The following CNOT6 variants were observed in gnomAD, a reference collection of about 807,000 sequenced individuals.
CNOT6 encodes the protein carbon catabolite repression 4 protein.
A neutral mutation model predicts 61.2 loss-of-function variants in CNOT6; 12 were observed. That is an observed-to-expected ratio of 0.20 (90% CI 0.13 to 0.32). The LOEUF is 0.32. Ranked by LOEUF, CNOT6 falls within the 10% of genes least tolerant of loss-of-function variation. The pLI, the probability that CNOT6 is intolerant of heterozygous loss-of-function variation, is 1.00. For synonymous variants in CNOT6, 225 were observed against 240.6 expected, an observed-to-expected ratio of 0.94 and a Z score of 0.60; for missense variants, 405 against 663.9, an observed-to-expected ratio of 0.61 and a Z score of 4.28.
rs866405681 is a variant in CNOT6, at chr5:180,577,062, C to A, written c.*2862C>A. 8 of 152,050 alleles carry A rather than the reference C, an allele frequency of 5.3e-5. No homozygotes were observed. The highest frequency in any genetic ancestry group is 1.7e-4 in the African/African-American group (7 of 41,248). 9.4% of individuals were successfully genotyped at this position (152,050 alleles called of 1,614,324 possible). On this transcript the variant is annotated 3_prime_UTR_variant, in exon 12 of 12. Coordinates refer to ENST00000261951, the MANE Select transcript of CNOT6 (RefSeq NM_001370472.1). ...ATGCTTTGAGAGTTTCAATATTGTT[C>A]GTCAAGTTAACTTATGGCATAATTT...
At chr5:180,495,403 C>T (rs1192970696) in intron 1 of CNOT6, 5 of 152,190 alleles carry the variant, frequency 3.3e-5, no homozygotes, top group African/African-American at 1.2e-4. Flanking sequence ...AATTGCATCC[C>T]TCCTTTTTGT....
At chr5:180,538,834 G>A (rs1758864708) in intron 2 of CNOT6, among the ~76,000 whole-genome samples, 1 of 150,724 alleles carries the variant, frequency 6.6e-6, no homozygotes, top group South Asian at 2.1e-4. Flanking sequence ...AGCTGAGATC[G>A]CACCACTGTA....
chr5:180,531,637 TG>T (rs1179220388), intron 2 of CNOT6, among the ~76,000 whole-genome samples: 1 of 152,138 alleles, frequency 6.6e-6, no homozygotes, highest in African/African-American at 2.4e-5. Flanking sequence ...GGCAGGCGGC[TG>T]GGAGGTGGAG....
At chr5:180,535,889 A>G (rs1212922035) in intron 2 of CNOT6, among the ~76,000 whole-genome samples, 2 of 141,396 alleles carry the variant, frequency 1.4e-5, no homozygotes, top group Non-Finnish European at 3.1e-5. Flanking sequence ...TTTAATTTGC[A>G]TTTCTCTGAT....
At chr5:180,525,485 G>A (rs576122851) in intron 1 of CNOT6, among the ~76,000 whole-genome samples, 6 of 151,448 alleles carry the variant, frequency 4.0e-5, no homozygotes, top group Admixed American at 1.3e-4. Flanking sequence ...GCTGCAGTGA[G>A]CAGAGATGGC....
At chr5:180,533,364 A>C (rs1393718989) in intron 2 of CNOT6, among the ~76,000 whole-genome samples, 1 of 148,776 alleles carries the variant, frequency 6.7e-6, no homozygotes, top group Non-Finnish European at 1.5e-5. Context: ...CAACATAGGA[A>C]GGAAGAGGGG....
chr5:180,558,946 C>T (rs370064718), intron 4 of CNOT6, among the ~76,000 whole-genome samples: 62 of 152,230 alleles, frequency 4.1e-4, no homozygotes, highest in African/African-American at 1.3e-3. Context: ...GCTTGGTTCT[C>T]GATTTTTAAT....
chr5:180,542,873 A>G (rs990358110), intron 2 of CNOT6, among the ~76,000 whole-genome samples: 1 of 152,204 alleles, frequency 6.6e-6, no homozygotes, highest in African/African-American at 2.4e-5. Context: ...TGTGGGGAAG[A>G]AGTAGATAGA....
intron 11 of CNOT6, among the ~76,000 whole-genome samples, chr5:180,572,917 CTTTCTA>C (rs1327588242): frequency 2.6e-5 from 4 of 152,170 alleles, no homozygotes; most frequent in African/African-American, 9.7e-5. Flanking sequence ...TAACTCCCAG[CTTTCTA>C]TTTCTAAGCT....
chr5:180,536,419 T>G (rs974530314), intron 2 of CNOT6, among the ~76,000 whole-genome samples: 18 of 152,134 alleles, frequency 1.2e-4, no homozygotes, highest in Non-Finnish European at 2.5e-4. Flanking sequence ...ATTATTATTA[T>G]TTTTGCTGTG....
At chr5:180,569,895 A>G (rs565958728) in intron 10 of CNOT6, among the ~76,000 whole-genome samples, 2 of 152,354 alleles carry the variant, frequency 1.3e-5, no homozygotes, top group South Asian at 2.1e-4. Context: ...CGTGGATAGT[A>G]TACAATAAAC....
chr5:180,559,290 C>G (rs543899871), intron 4 of CNOT6, among the ~76,000 whole-genome samples: 2 of 152,218 alleles, frequency 1.3e-5, no homozygotes, highest in Admixed American at 6.5e-5. Context: ...TTGTGCTTCT[C>G]TTGTTTGGAA....
At chr5:180,569,367 G>A (rs776419781) in intron 10 of CNOT6, 27 bp downstream of exon 10, 1 of 1,475,512 alleles carries the variant, frequency 6.8e-7, no homozygotes, top group Non-Finnish European at 9.4e-7. Flanking sequence ...ATTTTATGTA[G>A]AATATTTTTT....
In CNOT6 at chr5:180,512,958, C is replaced by T. The variant is rs564457818; in HGVS notation, c.-2-16317C>T. On this transcript the variant is annotated intron_variant, in intron 1 of 11. Transcript: ENST00000261951. ...TCGCCCAGGCTGGAGTGCAGTGGTG[C>T]GATCTCGGCTCACTGCAAGCTCCGC... Among the ~76,000 whole-genome samples, 73 of 151,192 alleles carry T rather than the reference C, an allele frequency of 4.8e-4. 1 individual carries two copies. The South Asian group carries it at 0.013, about 27-fold the overall frequency.
chr5:180,502,943 TC>T (rs1447072870), intron 1 of CNOT6, among the ~76,000 whole-genome samples: 1 of 152,250 alleles, frequency 6.6e-6, no homozygotes, highest in African/African-American at 2.4e-5. Flanking sequence ...ACCAGTAGTT[TC>T]CTTTGTTAAT....
chr5:180,566,038 A>G (rs753724818), intron 7 of CNOT6, 61 bp downstream of exon 7: 25 of 1,446,982 alleles, frequency 1.7e-5, no homozygotes, highest in African/African-American at 1.3e-4. Flanking sequence ...CTAGGAATAC[A>G]TTACGCTGAC....
At chr5:180,538,989 C>T (rs971175516) in intron 2 of CNOT6, among the ~76,000 whole-genome samples, 1 of 148,490 alleles carries the variant, frequency 6.7e-6, no homozygotes, top group African/African-American at 2.5e-5. Flanking sequence ...TTCTGGCCAA[C>T]ATGGTGAAAC....
At chr5:180,519,719 T>G (rs1457939914) in intron 1 of CNOT6, among the ~76,000 whole-genome samples, 1 of 152,192 alleles carries the variant, frequency 6.6e-6, no homozygotes, top group East Asian at 1.9e-4. Context: ...GGTCTCTTAT[T>G]TAATGTTTGA....
chr5:180,574,250 T>C lies in CNOT6; in HGVS notation c.*50T>C. 6.7e-7 allele frequency: 1 copy of C among 1,499,278 alleles called. No homozygotes were observed. The highest frequency in any genetic ancestry group is 9.3e-7 in the Non-Finnish European group (1 of 1,076,126). 92.9% of individuals were successfully genotyped at this position (1,499,278 alleles called of 1,614,324 possible). On this transcript the variant is annotated 3_prime_UTR_variant, in exon 12 of 12. Coordinates refer to ENST00000261951, the MANE Select transcript of CNOT6 (RefSeq NM_001370472.1). ...TGATTCACTTGTAAACTTGTGAAAA[T>C]CTGAACATAGGGGAGTGAGGTATGG... is the stretch of plus-strand genomic sequence containing the variant.
Sources: allele counts gnomAD v4.1 joint callset (sites outside exome capture counted in the v4.1 genomes callset), GRCh38; gene constraint gnomAD v4.1.1; transcripts MANE v1.5; gene names NCBI Gene and HGNC (gene_info 2026-07-23, HGNC 2026-07-21).